The following HS6ST2 variants were observed in gnomAD, a reference collection of about 807,000 sequenced individuals.
HS6ST2 encodes the protein heparan-sulfate 6-O-sulfotransferase 2.
A neutral mutation model predicts 33.0 loss-of-function variants in HS6ST2; 17 were observed. The ratio of observed to expected loss-of-function variants is 0.52; its 90% CI spans 0.35 to 0.77. HS6ST2 has a LOEUF of 0.77. HS6ST2 is among the 30% of genes least tolerant of loss of function. The pLI, the probability that HS6ST2 is intolerant of heterozygous loss-of-function variation, is 0.01. For missense variants in HS6ST2, 519 were observed against 551.7 expected (o/e 0.94, Z 0.59); for synonymous variants, 248 against 237.1 (o/e 1.05, Z -0.42).
At chrX:132,698,137 T>A (rs746487547) in intron 3 of HS6ST2, among the ~76,000 whole-genome samples, 5 of 111,747 alleles carry the variant, frequency 4.5e-5, no homozygotes, top group Non-Finnish European at 9.4e-5. Context: ...ATTCTTGCCT[T>A]TCCTAGACTC....
At chrX:132,742,988 A>T (rs1271239954) in intron 2 of HS6ST2, among the ~76,000 whole-genome samples, 1 of 111,866 alleles carries the variant, frequency 8.9e-6, no homozygotes, top group African/African-American at 3.3e-5. Flanking sequence ...AGGAGCACAC[A>T]TGTCAATTCA....
chrX:132,761,007 G>A (rs1304398595), intron 2 of HS6ST2, among the ~76,000 whole-genome samples: 1 of 111,209 alleles, frequency 9.0e-6, no homozygotes, highest in Admixed American at 9.6e-5. Flanking sequence ...CTAAAAAGAG[G>A]GCATTGTTTT....
chrX:132,772,523 G>A (rs1466471596), intron 2 of HS6ST2, among the ~76,000 whole-genome samples: 1 of 104,539 alleles, frequency 9.6e-6, no homozygotes, highest in Non-Finnish European at 1.9e-5. Context: ...TGTATATATT[G>A]CATACAATAT....
In HS6ST2 at chrX:132,627,659, T is replaced by C. The variant is rs1270837978; in HGVS notation, c.*564A>G. 8.9e-6 allele frequency: 1 copy of C among 112,391 alleles called. No homozygotes were observed. Among genetic ancestry groups the C allele is most frequent in the Admixed American group, 9.5e-5 (1 of 10,570 alleles). The allele number at this position is 112,391 out of a possible 1,213,427, so 9.3% of individuals were successfully genotyped here. A position where few individuals can be genotyped will look rare whatever the true frequency, so the allele number is the denominator to read the frequency against. ...ATTTTGACATAAAACTACCCATGTTTGGAGAGGAATTTTTTATTTTCTACA... is the reference window on the plus strand; with the variant it reads ...ATTTTGACATAAAACTACCCATGTTCGGAGAGGAATTTTTTATTTTCTACA... On this transcript the variant is annotated 3_prime_UTR_variant, in exon 5 of 5. Transcript: ENST00000370833.
chrX:132,703,942 A>G (rs2064166120), intron 3 of HS6ST2, among the ~76,000 whole-genome samples: 1 of 112,182 alleles, frequency 8.9e-6, no homozygotes, highest in South Asian at 3.8e-4. Context: ...ACAAAAAAAA[A>G]TGTATTAGAC....
intron 2 of HS6ST2, among the ~76,000 whole-genome samples, chrX:132,809,443 G>A (rs2065318217): frequency 8.9e-6 from 1 of 111,961 alleles, no homozygotes; most frequent in South Asian, 3.8e-4. Flanking sequence ...AATACGTTTT[G>A]AGTACTGACA....
intron 2 of HS6ST2, among the ~76,000 whole-genome samples, chrX:132,953,806 G>A (rs1368613882): frequency 8.9e-6 from 1 of 112,627 alleles, no homozygotes; most frequent in Non-Finnish European, 1.9e-5. Context: ...CTCACATGTT[G>A]TAAAATGACT....
chrX:132,734,505 T>C (rs770813560), intron 2 of HS6ST2, among the ~76,000 whole-genome samples: 1 of 111,589 alleles, frequency 9.0e-6, no homozygotes, highest in Non-Finnish European at 1.9e-5. Flanking sequence ...GAAAACTAGG[T>C]GAGAGAGCCA....
At chrX:132,766,907 C>A (rs2064853353) in intron 2 of HS6ST2, among the ~76,000 whole-genome samples, 1 of 111,879 alleles carries the variant, frequency 8.9e-6, no homozygotes. Flanking sequence ...ATTGTATTAT[C>A]ATTTTGCAGC....
At chrX:132,701,746 C>T (rs1337371102) in intron 3 of HS6ST2, among the ~76,000 whole-genome samples, 2 of 111,978 alleles carry the variant, frequency 1.8e-5, no homozygotes, top group Non-Finnish European at 3.8e-5. Context: ...AAAATGATGG[C>T]TGGAAGAATC....
At chrX:132,761,440 C>T (rs1258807779) in intron 2 of HS6ST2, among the ~76,000 whole-genome samples, 3 of 111,201 alleles carry the variant, frequency 2.7e-5, no homozygotes, top group Non-Finnish European at 3.8e-5. Context: ...AGGGGGCGAG[C>T]CAGCACCAGG....
chrX:132,939,100 C>T (rs1389878608), intron 2 of HS6ST2, among the ~76,000 whole-genome samples: 1 of 110,860 alleles, frequency 9.0e-6, no homozygotes, highest in Admixed American at 9.7e-5. Flanking sequence ...CATGTGACCT[C>T]ATTATCACAG....
At chrX:132,716,023 C>T (rs2064270269) in intron 2 of HS6ST2, among the ~76,000 whole-genome samples, 1 of 112,002 alleles carries the variant, frequency 8.9e-6, no homozygotes, top group Non-Finnish European at 1.9e-5. Flanking sequence ...CACTGCCAAA[C>T]AGCCCTTTTC....
intron 2 of HS6ST2, among the ~76,000 whole-genome samples, chrX:132,881,332 G>C (rs1347914855): frequency 9.0e-6 from 1 of 111,353 alleles, no homozygotes; most frequent in African/African-American, 3.3e-5. Context: ...ACTGGTGTGA[G>C]ATGGTATCTC....
chrX:132,881,155 C>T (rs1303010449), intron 2 of HS6ST2, among the ~76,000 whole-genome samples: 3 of 111,112 alleles, frequency 2.7e-5, no homozygotes, highest in Non-Finnish European at 5.7e-5. Context: ...AATGGGATGG[C>T]TGGGTCAAAT....
At chrX:132,795,720 C>T (rs2065170905) in intron 2 of HS6ST2, among the ~76,000 whole-genome samples, 1 of 110,712 alleles carries the variant, frequency 9.0e-6, no homozygotes, top group African/African-American at 3.3e-5. Flanking sequence ...AATTCTCCCA[C>T]CTCAGCCTCC....
At chrX:132,683,111 CTCAA>C (rs749164059) in intron 3 of HS6ST2, among the ~76,000 whole-genome samples, 68 of 110,424 alleles carry the variant, frequency 6.2e-4, no homozygotes, top group African/African-American at 2.0e-3. Flanking sequence ...GAGACCCTGT[CTCAA>C]TCAATCAATC....
intron 4 of HS6ST2, among the ~76,000 whole-genome samples, chrX:132,666,768 C>A (rs1204724618): frequency 8.9e-6 from 1 of 111,853 alleles, no homozygotes; most frequent in Non-Finnish European, 1.9e-5. Flanking sequence ...CTTCTATCTC[C>A]CAGCCTGTGT....
intron 2 of HS6ST2, among the ~76,000 whole-genome samples, chrX:132,786,652 T>C (rs1329816777): frequency 9.2e-6 from 1 of 108,367 alleles, no homozygotes; most frequent in African/African-American, 3.4e-5. Flanking sequence ...AGTTTCGCTC[T>C]TGTTACCTAG....
Sources: allele counts gnomAD v4.1 joint callset (sites outside exome capture counted in the v4.1 genomes callset), GRCh38; gene constraint gnomAD v4.1.1; transcripts MANE v1.5; gene names NCBI Gene and HGNC (gene_info 2026-07-23, HGNC 2026-07-21).